The following ANOS1 variants were observed in gnomAD, a reference collection of about 807,000 sequenced individuals.
The protein encoded by ANOS1 is anosmin-1.
A neutral mutation model predicts 59.0 loss-of-function variants in ANOS1; 6 were observed. The ratio of observed to expected loss-of-function variants is 0.10; its 90% CI spans 0.06 to 0.20. ANOS1 has a LOEUF of 0.20. ANOS1 is among the 10% of genes least tolerant of loss of function. The pLI is 1.00. For synonymous variants in ANOS1, 217 were observed against 223.4 expected, an observed-to-expected ratio of 0.97 and a Z score of 0.25; for missense variants, 433 against 542.3, an observed-to-expected ratio of 0.80 and a Z score of 2.00.
rs769034155 is a variant in ANOS1, at chrX:8,534,347, C to T, written c.1956G>A (p.Thr652=). The change falls in exon 13 of 14, where the codon ACG becomes ACA. Residue 652 remains threonine, a synonymous_variant. Coordinates refer to ENST00000262648, the MANE Select transcript of ANOS1 (RefSeq NM_000216.4). ...EGPATIKTFR[T]PELPPSSAHR... ...GTGCTGAAGAGGGTGGGAGCTCCGG[C>T]GTCCGGAACGTCTTGATGGTGGCCG... is the stretch of plus-strand genomic sequence containing the variant. The T allele has an allele frequency of 3.4e-5, 41 of 1,211,387 alleles. No individual in the cohort carries two copies. Among genetic ancestry groups the T allele is most frequent in the Non-Finnish European group, 4.5e-5 (40 of 895,324 alleles).
intron 2 of ANOS1, among the ~76,000 whole-genome samples, chrX:8,658,849 A>G (rs1019949474): frequency 1.8e-5 from 2 of 111,688 alleles, no homozygotes; most frequent in Non-Finnish European, 3.8e-5. Context: ...GCACTTTGGG[A>G]GGCTGAAGTG....
rs764779362 is a variant in ANOS1, at chrX:8,729,000, G to A, written c.207+2830C>T. ...AAGGGCTGGGCAGTGGAGGACAGTG[G>A]GGACAACTGGGGCACAGACTATGAG... On this transcript the variant is annotated intron_variant, in intron 1 of 13. Coordinates refer to ENST00000262648, the MANE Select transcript of ANOS1 (RefSeq NM_000216.4). Among the ~76,000 whole-genome samples the A allele has an allele frequency of 4.5e-5, 5 of 112,094 alleles. No homozygotes were observed. In the South Asian group the frequency reaches 1.9e-3, roughly 42 times the overall value.
chrX:8,725,625 GATATATATATACAGATATATATACAGAT>G (rs1932909368), intron 1 of ANOS1, among the ~76,000 whole-genome samples: 5 of 31,085 alleles, frequency 1.6e-4, no homozygotes, highest in Admixed American at 3.9e-4. Context: ...TATATATACA[GATATATATATACAGATATATATACAGAT>G]ATATATATAT....
chrX:8,680,958 G>T (rs913054888), intron 2 of ANOS1, among the ~76,000 whole-genome samples: 3 of 111,439 alleles, frequency 2.7e-5, no homozygotes, highest in Non-Finnish European at 3.8e-5. Context: ...TTGTAAAAAG[G>T]TTCCCTTCTT....
chrX:8,590,079 C>G (rs928486790), intron 4 of ANOS1, among the ~76,000 whole-genome samples: 2 of 111,223 alleles, frequency 1.8e-5, no homozygotes, highest in African/African-American at 6.5e-5. Flanking sequence ...CTTATTGGTA[C>G]TTTGGGGTTA....
chrX:8,552,551 A>G (rs1024179998), intron 9 of ANOS1, among the ~76,000 whole-genome samples: 2 of 112,365 alleles, frequency 1.8e-5, no homozygotes, highest in African/African-American at 6.5e-5. Flanking sequence ...TCATGGCAAG[A>G]AGCCAAATAC....
chrX:8,644,205 C>A (rs148013002), intron 2 of ANOS1, among the ~76,000 whole-genome samples: 150 of 111,649 alleles, frequency 1.3e-3, no homozygotes, highest in African/African-American at 4.8e-3. Context: ...GACCATTCAG[C>A]CTGTAAAGTA....
chrX:8,665,722 T>C (rs1932122903), intron 2 of ANOS1, among the ~76,000 whole-genome samples: 1 of 112,600 alleles, frequency 8.9e-6, no homozygotes, highest in African/African-American at 3.2e-5. Context: ...TCCTTTTATA[T>C]AAGTTACTAG....
chrX:8,563,092 C>A (rs1164501298), intron 8 of ANOS1, among the ~76,000 whole-genome samples: 3 of 112,195 alleles, frequency 2.7e-5, no homozygotes, highest in Non-Finnish European at 3.8e-5. Flanking sequence ...TCAACTGTAT[C>A]CTACATAATC....
At chrX:8,659,572 G>C (rs745821536) in intron 2 of ANOS1, among the ~76,000 whole-genome samples, 3 of 74,490 alleles carry the variant, frequency 4.0e-5, no homozygotes, top group African/African-American at 1.8e-4. Flanking sequence ...CTTCCTCCCT[G>C]CTTGCTTGCT....
chrX:8,586,740 T>A (rs1338130279), intron 5 of ANOS1, among the ~76,000 whole-genome samples: 1 of 110,946 alleles, frequency 9.0e-6, no homozygotes, highest in Admixed American at 9.7e-5. Context: ...AAATTTTTTT[T>A]ATATAAAATA....
intron 1 of ANOS1, among the ~76,000 whole-genome samples, chrX:8,723,767 A>G (rs6640221): frequency 0.47 from 52,040 of 110,172 alleles, 9,314 homozygotes; most frequent in African/African-American, 0.63. Context: ...TAGCTCCACT[A>G]GTTGCATGCT....
Position 8,532,669 on chromosome X carries a change from C to T in ANOS1, c.*326G>A, listed in dbSNP as rs2146784590. 2 of 184,397 alleles carry T rather than the reference C, an allele frequency of 1.1e-5. No individual in the cohort carries two copies. Among genetic ancestry groups the T allele is most frequent in the Non-Finnish European group, 2.0e-5 (2 of 98,273 alleles). 15.2% of individuals were successfully genotyped at this position (184,397 alleles called of 1,213,427 possible). A position where few individuals can be genotyped will look rare whatever the true frequency, so the allele number is the denominator to read the frequency against. On this transcript the variant is annotated 3_prime_UTR_variant, in exon 14 of 14. Coordinates refer to ENST00000262648, the MANE Select transcript of ANOS1 (RefSeq NM_000216.4). The stretch of plus-strand genomic sequence containing the variant: ...CTCCTTTTTGGGGCGGAGTTTGGTG[C>T]TCCAAATTCAGGGAAAACTGAGTTC...
intron 2 of ANOS1, among the ~76,000 whole-genome samples, chrX:8,685,003 C>T (rs149577281): frequency 0.034 from 3,717 of 110,611 alleles, 170 homozygotes; most frequent in African/African-American, 0.12. Context: ...CTTAAATGAT[C>T]TCTGCTTGCA....
chrX:8,676,955 A>T (rs1932345880), intron 2 of ANOS1, among the ~76,000 whole-genome samples: 1 of 111,658 alleles, frequency 9.0e-6, no homozygotes, highest in African/African-American at 3.3e-5. Context: ...TTTTCATGAG[A>T]ATATCACTTC....
chrX:8,578,914 T>C (rs1930376479), intron 6 of ANOS1, among the ~76,000 whole-genome samples: 1 of 112,185 alleles, frequency 8.9e-6, no homozygotes, highest in Admixed American at 9.5e-5. Flanking sequence ...CTTCTTTTAC[T>C]ACCCATATTG....
At chrX:8,594,697 T>TATATATATAC (rs1247233512) in intron 4 of ANOS1, among the ~76,000 whole-genome samples, 26 of 18,551 alleles carry the variant, frequency 1.4e-3, no homozygotes, top group East Asian at 4.5e-3. Context: ...TATATATATA[T>TATATATATAC]ACACATATAT....
At chrX:8,696,594 T>A (rs763480742) in intron 2 of ANOS1, among the ~76,000 whole-genome samples, 5 of 112,870 alleles carry the variant, frequency 4.4e-5, no homozygotes, top group Non-Finnish European at 9.4e-5. Context: ...TTTTCTTTCA[T>A]AAATAAAGTA....
intron 3 of ANOS1, among the ~76,000 whole-genome samples, chrX:8,601,810 A>G (rs1296404771): frequency 8.9e-6 from 1 of 112,525 alleles, no homozygotes; most frequent in Non-Finnish European, 1.9e-5. Context: ...CATACTCAAT[A>G]AGAATTAAGT....
Sources: allele counts gnomAD v4.1 joint callset (sites outside exome capture counted in the v4.1 genomes callset), GRCh38; gene constraint gnomAD v4.1.1; transcripts MANE v1.5; gene names NCBI Gene and HGNC (gene_info 2026-07-23, HGNC 2026-07-21).